EFHB: variants seen among roughly 807,000 people sequenced by gnomAD.
The protein encoded by EFHB is EF-hand domain-containing family member B.
Under a neutral mutation model 87.2 loss-of-function variants are expected in EFHB, and 91 were observed. The observed-to-expected ratio is 1.04, with a 90% CI of 0.88 to 1.24. EFHB has a LOEUF of 1.24. Ranked by LOEUF, EFHB falls within the 50% of genes most tolerant of loss-of-function variation. EFHB has a pLI of 0.00. For missense variants in EFHB, 1,084 were observed against 998.8 expected (o/e 1.09, Z -1.15); for synonymous variants, 325 against 333.6 (o/e 0.97, Z 0.28).
intron 5 of EFHB, among the ~76,000 whole-genome samples, chr3:19,908,768 GTTATT>G (rs1240790509): frequency 1.3e-5 from 2 of 151,940 alleles, no homozygotes; most frequent in African/African-American, 4.8e-5. Context: ...TTAAAATTAA[GTTATT>G]TTAAAGTATT....
intron 1 of EFHB, among the ~76,000 whole-genome samples, chr3:19,925,098 C>T (rs922246264): frequency 1.3e-5 from 2 of 151,850 alleles, no homozygotes; most frequent in Admixed American, 6.6e-5. Context: ...AAAAATTAGC[C>T]GGGCATGCTG....
chr3:19,906,244 G>A (rs775647448), intron 5 of EFHB, among the ~76,000 whole-genome samples: 9 of 152,112 alleles, frequency 5.9e-5, no homozygotes, highest in Non-Finnish European at 8.8e-5. Flanking sequence ...CACGAGAATC[G>A]CTTGAACCCA....
intron 6 of EFHB, among the ~76,000 whole-genome samples, chr3:19,904,838 C>A (rs992892625): frequency 6.6e-6 from 1 of 152,104 alleles, no homozygotes; most frequent in East Asian, 1.9e-4. Flanking sequence ...GTATTTACAA[C>A]GTTCAAACCA....
chr3:19,945,407 T>C (rs938702356), intron 1 of EFHB, among the ~76,000 whole-genome samples: 44 of 152,208 alleles, frequency 2.9e-4, no homozygotes, highest in African/African-American at 9.9e-4. Flanking sequence ...TCAGTTTATA[T>C]AAACACTACC....
At chr3:19,946,035 T>C (rs542486600) in intron 1 of EFHB, 48 of 152,334 alleles carry the variant, frequency 3.2e-4, no homozygotes, top group African/African-American at 1.2e-3. Flanking sequence ...GGCTGAAGCC[T>C]CGCCAGAGAC....
chr3:19,890,502 G>T (rs944956999), intron 9 of EFHB, among the ~76,000 whole-genome samples: 1 of 152,158 alleles, frequency 6.6e-6, no homozygotes, highest in African/African-American at 2.4e-5. Flanking sequence ...TTGCAGAGAA[G>T]AATTAAAGAT....
chr3:19,884,835 C>T (rs556286982), intron 10 of EFHB, among the ~76,000 whole-genome samples: 4 of 151,484 alleles, frequency 2.6e-5, no homozygotes, highest in African/African-American at 9.7e-5. Flanking sequence ...TCTTCTGCTA[C>T]TCCACTCACT....
intron 5 of EFHB, among the ~76,000 whole-genome samples, chr3:19,908,052 CA>C (rs1694897486): frequency 6.6e-6 from 1 of 152,012 alleles, no homozygotes; most frequent in African/African-American, 2.4e-5. Flanking sequence ...AATAGCCAAT[CA>C]CATTTACAAA....
Position 19,933,761 on chromosome 3 carries a change from C to A in EFHB, c.258G>T (p.Arg86Ser), listed in dbSNP as rs1471006560. The A allele has an allele frequency of 1.9e-6, 3 of 1,613,870 alleles. No individual in the cohort carries two copies. The change falls in exon 1 of 13, where the codon AGG becomes AGT. Residue 86 changes from arginine (R) to serine (S), a missense_variant. Physicochemically the swap from Arg to Ser is moderately radical, Grantham distance 110. Coordinates refer to ENST00000295824, the MANE Select transcript of EFHB (RefSeq NM_144715.4). ...AGACACTGTCGACTCCTAAACTACC[C>A]CTCTGCATGACAGTCCTAGAAATAT... ...RQNISRTVMQ[R>S]GSLGVDSVSA...
rs371266385 is a variant in EFHB at position 19,943,773 on chromosome 3, A to C, written c.-32+3146T>G. ...AAGGGAGTGTCCAAGAACCAATCAC[A>C]AGCAGATGGACTGACTGTATAACCC... On this transcript the variant is annotated intron_variant, in intron 1 of 14. Transcript: ENST00000344838. Among the ~76,000 whole-genome samples, 64 of 152,298 alleles carry C rather than the reference A, an allele frequency of 4.2e-4. 1 individual carries two copies. The highest frequency in any genetic ancestry group is 1.5e-3 in the African/African-American group (62 of 41,558).
rs1694188150 is a variant in EFHB at position 19,888,533 on chromosome 3, C to T, written c.1844G>A (p.Gly615Asp). The T allele has an allele frequency of 2.5e-6, 4 of 1,587,718 alleles. No individual in the cohort carries two copies. The highest frequency in any genetic ancestry group is 3.4e-6 in the Non-Finnish European group (4 of 1,165,432). Reference sequence around the variant, plus strand: ...TGCGAATTCCAGATAGTTAATGAAGCCATCATTATCCACATCACAGTAGTC... The same window carrying T: ...TGCGAATTCCAGATAGTTAATGAAGTCATCATTATCCACATCACAGTAGTC... ...LFDYCDVDND[G>D]FINYLEFANF... Residue 615 changes from glycine (G) to aspartate (D), a missense_variant, in exon 10 of 13, where the codon GGC becomes GAC. Transcript: ENST00000295824.
chr3:19,904,489 C>T (rs1275677810), intron 6 of EFHB, among the ~76,000 whole-genome samples: 1 of 152,226 alleles, frequency 6.6e-6, no homozygotes, highest in Non-Finnish European at 1.5e-5. Context: ...CAGGCATATG[C>T]CACCACACCC....
intron 1 of EFHB, among the ~76,000 whole-genome samples, chr3:19,929,708 CAAAAA>C (rs34016968): frequency 1.3e-5 from 1 of 79,816 alleles, no homozygotes; most frequent in African/African-American, 5.0e-5. Flanking sequence ...GACTCCATCT[CAAAAA>C]AAAAAAAAAA....
intron 6 of EFHB, among the ~76,000 whole-genome samples, chr3:19,902,180 C>T (rs1023799385): frequency 6.6e-6 from 1 of 152,088 alleles, no homozygotes; most frequent in Non-Finnish European, 1.5e-5. Context: ...TCAGATAAAG[C>T]TCTTTGTGTG....
chr3:19,918,693 T>C (rs1367384357), intron 3 of EFHB, among the ~76,000 whole-genome samples: 3 of 151,790 alleles, frequency 2.0e-5, no homozygotes, highest in African/African-American at 7.3e-5. Context: ...AGAAAAGTGG[T>C]GCCAGGTGTA....
At position 19,882,677 on chromosome 3, in the gene EFHB, A is replaced by T; in HGVS notation, c.2201T>A (p.Ile734Asn). 6.2e-7 allele frequency: 1 copy of T among 1,613,850 alleles called. No individual in the cohort carries two copies. Among genetic ancestry groups the T allele is most frequent in the South Asian group, 1.1e-5 (1 of 91,058 alleles). ...ATTAGTTCTGTCACTGATGCGACGA[A>T]TTCGGGGAGCAGGAATGTCAGATCG... ...TIRSDIPAPR[I>N]RRISDRTNYG... The change falls in exon 12 of 13, where the codon ATT becomes AAT. Residue 734 changes from isoleucine (I) to asparagine (N), a missense_variant. Physicochemically the swap from Ile to Asn is moderately radical, Grantham distance 149. Coordinates refer to ENST00000295824, the MANE Select transcript of EFHB (RefSeq NM_144715.4).
At position 19,918,246 on chromosome 3, in the gene EFHB, G is replaced by C. The variant is rs1695304181; in HGVS notation, c.1163C>G (p.Thr388Arg). 6.3e-7 allele frequency: 1 copy of C among 1,595,036 alleles called. No homozygotes were observed. Among genetic ancestry groups the C allele is most frequent in the African/African-American group, 1.4e-5 (1 of 73,166 alleles). Residue 388 changes from threonine (T) to arginine (R), a missense_variant, in exon 4 of 13, where the codon ACA (threonine) becomes AGA (arginine). Physicochemically the swap from Thr to Arg is moderately conservative, Grantham distance 71 (BLOSUM62 -1). Transcript: ENST00000295824. ...TTTTTTACTACCTTTGATGACTGCT[G>C]TCCCAAATGTCGTATTGGTTGTGTC... is the stretch of plus-strand genomic sequence containing the variant. ...GMDTTNTTFG[T>R]AVIKEYSAKD...
intron 5 of EFHB, among the ~76,000 whole-genome samples, chr3:19,914,187 A>ATCCG: frequency 6.6e-6 from 1 of 152,310 alleles, no homozygotes; most frequent in East Asian, 1.9e-4. Context: ...GGCTCAAGTG[A>ATCCG]TCCGGCGCTG....
intron 1 of EFHB, among the ~76,000 whole-genome samples, chr3:19,931,473 T>C (rs1695829781): frequency 1.3e-5 from 2 of 152,096 alleles, no homozygotes; most frequent in Non-Finnish European, 2.9e-5. Flanking sequence ...TCAAGTAAAG[T>C]GGCTGGGAAA....
Sources: allele counts gnomAD v4.1 joint callset (sites outside exome capture counted in the v4.1 genomes callset), GRCh38; gene constraint gnomAD v4.1.1; transcripts MANE v1.5; gene names NCBI Gene and HGNC (gene_info 2026-07-23, HGNC 2026-07-21).